Variants in WDPCP observed in about 807,000 individuals in gnomAD.
WDPCP encodes WD repeat-containing and planar cell polarity effector protein fritz homolog.
Under a neutral mutation model 93.1 loss-of-function variants are expected in WDPCP, and 71 were observed. The observed-to-expected ratio is 0.76, with a 90% CI of 0.63 to 0.93. The LOEUF is 0.93. Among genes scored for constraint, WDPCP ranks in the 40% least tolerant of loss-of-function variants. The pLI is 0.00. For missense variants in WDPCP, 844 were observed against 887.4 expected, an observed-to-expected ratio of 0.95 and a Z score of 0.62; for synonymous variants, 315 against 315.0, an observed-to-expected ratio of 1.00 and a Z score of 0.00.
chr2:63,511,801 G>A (rs1702252220), intron 1 of WDPCP, among the ~76,000 whole-genome samples: 1 of 152,148 alleles, frequency 6.6e-6, no homozygotes, highest in African/African-American at 2.4e-5. Context: ...AACCCTAGAA[G>A]AAAACATAGG....
intron 1 of WDPCP, among the ~76,000 whole-genome samples, chr2:63,532,977 G>C (rs1025481920): frequency 9.2e-5 from 14 of 152,144 alleles, no homozygotes; most frequent in Admixed American, 4.6e-4. Flanking sequence ...CTCATGTGCA[G>C]AGACACATAT....
intron 10 of WDPCP, among the ~76,000 whole-genome samples, chr2:63,398,102 G>A (rs1693878499): frequency 6.6e-6 from 1 of 152,134 alleles, no homozygotes; most frequent in African/African-American, 2.4e-5. Context: ...ACTGAACTGA[G>A]AGGGAAAGAT....
chr2:63,626,851 C>A (rs1359121158), intron 3 of WDPCP, among the ~76,000 whole-genome samples: 1 of 151,826 alleles, frequency 6.6e-6, no homozygotes, highest in African/African-American at 2.4e-5. Flanking sequence ...GGGAGGGATA[C>A]CATTAGGAAA....
chr2:63,731,789 T>G (rs913038254), intron 2 of WDPCP, among the ~76,000 whole-genome samples: 3 of 152,154 alleles, frequency 2.0e-5, no homozygotes, highest in African/African-American at 4.8e-5. Context: ...AATCTCAAGA[T>G]GAATTCAGAC....
intron 2 of WDPCP, among the ~76,000 whole-genome samples, chr2:63,735,058 ATTAC>A (rs1267189273): frequency 3.3e-5 from 5 of 152,312 alleles, no homozygotes; most frequent in East Asian, 3.9e-4. Context: ...TTATAGAAGA[ATTAC>A]TTACTATGTG....
intron 15 of WDPCP, among the ~76,000 whole-genome samples, chr2:63,162,787 A>G (rs956710089): frequency 1.1e-4 from 16 of 152,194 alleles, no homozygotes; most frequent in Admixed American, 7.9e-4. Flanking sequence ...AGTACTATGC[A>G]AATAGTAAAT....
At chr2:63,231,969 G>T (rs35593723) in intron 14 of WDPCP, among the ~76,000 whole-genome samples, 2 of 152,102 alleles carry the variant, frequency 1.3e-5, no homozygotes, top group African/African-American at 4.8e-5. Context: ...CATGGTACTG[G>T]TACCAAAACA....
intron 13 of WDPCP, among the ~76,000 whole-genome samples, chr2:63,299,972 C>G (rs1306334038): frequency 6.6e-6 from 1 of 152,064 alleles, no homozygotes; most frequent in Non-Finnish European, 1.5e-5. Context: ...GCCACGTGTG[C>G]TGTAAGGAGC....
rs1486584356 is a variant in WDPCP at position 63,392,066 on chromosome 2, T to C, written c.1436-9972A>G. 4.0e-5 allele frequency among the ~76,000 whole-genome samples: 6 copies of C among 151,530 alleles called. No individual in the cohort carries two copies. The South Asian group carries it at 6.3e-4, about 16-fold the overall frequency. On this transcript the variant is annotated intron_variant, in intron 10 of 17. Coordinates refer to ENST00000272321, the MANE Select transcript of WDPCP (RefSeq NM_015910.7). ...AGTTCATATGGAACCAAAAAAGAGCTTGCATTGCCAAGACAATCCTAAGCA... is the reference window on the plus strand; with the variant it reads ...AGTTCATATGGAACCAAAAAAGAGCCTGCATTGCCAAGACAATCCTAAGCA...
intron 10 of WDPCP, among the ~76,000 whole-genome samples, chr2:63,398,940 A>G (rs1246107733): frequency 6.6e-6 from 1 of 152,218 alleles, no homozygotes; most frequent in Non-Finnish European, 1.5e-5. Flanking sequence ...GTAGCAGATC[A>G]TAAGAAAAAT....
At chr2:63,781,699 A>G (rs1219680456) in intron 2 of WDPCP, among the ~76,000 whole-genome samples, 3 of 152,170 alleles carry the variant, frequency 2.0e-5, no homozygotes, top group African/African-American at 7.2e-5. Context: ...AAGAGAAGAA[A>G]AGAGAAGGGA....
intron 1 of WDPCP, among the ~76,000 whole-genome samples, chr2:63,517,204 T>C (rs181670398): frequency 1.2e-3 from 188 of 152,224 alleles, no homozygotes; most frequent in African/African-American, 3.6e-3. Context: ...GTACCTATAA[T>C]CCATTTCCTA....
chr2:63,204,057 G>A lies in WDPCP; in HGVS notation c.1916-29225C>T, dbSNP rs1220206067. On this transcript the variant is annotated intron_variant, in intron 14 of 17. Transcript: ENST00000272321. The stretch of plus-strand genomic sequence containing the variant: ...GATAGACTAATGTACCTTCTTTTGA[G>A]TAGATACCCAGCAGTGGGATTGTTG... Among the ~76,000 whole-genome samples, 5 of 152,138 alleles carry A rather than the reference G, an allele frequency of 3.3e-5. No homozygotes were observed. The East Asian group carries it at 9.6e-4, about 29-fold the overall frequency.
intron 1 of WDPCP, among the ~76,000 whole-genome samples, chr2:63,520,384 A>G (rs1370453866): frequency 6.6e-6 from 1 of 152,194 alleles, no homozygotes; most frequent in Non-Finnish European, 1.5e-5. Context: ...GAAAATGCAC[A>G]GAACTCCTGC....
At chr2:63,354,683 C>T (rs571973881) in intron 12 of WDPCP, among the ~76,000 whole-genome samples, 9 of 150,756 alleles carry the variant, frequency 6.0e-5, no homozygotes, top group South Asian at 2.1e-4. Flanking sequence ...TGTGTGTGTA[C>T]ATATATGTGT....
At chr2:63,392,393 G>A (rs187612783) in intron 10 of WDPCP, among the ~76,000 whole-genome samples, 1 of 152,176 alleles carries the variant, frequency 6.6e-6, no homozygotes, top group African/African-American at 2.4e-5. Context: ...ATTCAAGATG[G>A]ATCAAAGATT....
intron 1 of WDPCP, among the ~76,000 whole-genome samples, chr2:63,520,047 C>T (rs1275334198): frequency 6.6e-6 from 1 of 152,160 alleles, no homozygotes; most frequent in Non-Finnish European, 1.5e-5. Flanking sequence ...CCAAACTGAT[C>T]TGACAGAGCT....
At chr2:63,692,837 G>A (rs17554675) in intron 2 of WDPCP, among the ~76,000 whole-genome samples, 29,864 of 152,008 alleles carry the variant, frequency 0.2, 3,785 homozygotes, top group Non-Finnish European at 0.26. Flanking sequence ...GACAGTTCCA[G>A]GGATAATAAA....
At chr2:63,605,913 A>C (rs1344482395) in intron 3 of WDPCP, 6 of 1,570,798 alleles carry the variant, frequency 3.8e-6, no homozygotes, top group Non-Finnish European at 5.3e-6. Context: ...AATCATCATG[A>C]GTATGTGAAA....
Sources: allele counts gnomAD v4.1 joint callset (sites outside exome capture counted in the v4.1 genomes callset), GRCh38; gene constraint gnomAD v4.1.1; transcripts MANE v1.5; gene names NCBI Gene and HGNC (gene_info 2026-07-23, HGNC 2026-07-21).